Variants in ZNF804B observed in about 807,000 individuals in gnomAD.
The protein encoded by ZNF804B is zinc finger 804B.
In ZNF804B, 80 loss-of-function variants were observed where a neutral mutation model predicts 101.4. That is an observed-to-expected ratio of 0.79 (90% CI 0.66 to 0.95). ZNF804B has a LOEUF of 0.95. ZNF804B is among the 40% of genes least tolerant of loss of function. The pLI is 0.00. For missense variants in ZNF804B, 1,673 were observed against 1,561.9 expected (o/e 1.07, Z -1.20); for synonymous variants, 622 against 558.8 (o/e 1.11, Z -1.59).
chr7:89,141,312 G>T lies in ZNF804B; in HGVS notation c.109-76843G>T, dbSNP rs188593805. Among the ~76,000 whole-genome samples the T allele has an allele frequency of 8.5e-5, 13 of 152,154 alleles. No individual in the cohort carries two copies. In the East Asian group the frequency reaches 1.2e-3, roughly 14 times the overall value. ...GAGCGCATGCTTTTGGAGTAATTGG[G>T]CTAATACCCTTGGTCAACACAGGAT... On this transcript the variant is annotated intron_variant, in intron 1 of 3. Transcript: ENST00000333190.
intron 2 of ZNF804B, among the ~76,000 whole-genome samples, chr7:89,315,528 A>T (rs901965196): frequency 1.3e-5 from 2 of 152,192 alleles, no homozygotes; most frequent in Admixed American, 1.3e-4. Context: ...AAGAGAAGAT[A>T]ATAATTAAAT....
At chr7:89,016,238 C>T (rs936050753) in intron 1 of ZNF804B, among the ~76,000 whole-genome samples, 5 of 152,136 alleles carry the variant, frequency 3.3e-5, no homozygotes, top group East Asian at 1.9e-4. Context: ...TGGATATTAG[C>T]GCTTTGTCAG....
intron 1 of ZNF804B, among the ~76,000 whole-genome samples, chr7:88,898,307 C>T (rs913846713): frequency 2.0e-5 from 3 of 151,924 alleles, no homozygotes; most frequent in Admixed American, 6.6e-5. Context: ...AGGATGGTCT[C>T]GATCTCCTGA....
chr7:89,090,103 T>C (rs1789860700), intron 1 of ZNF804B, among the ~76,000 whole-genome samples: 1 of 152,080 alleles, frequency 6.6e-6, no homozygotes, highest in Non-Finnish European at 1.5e-5. Context: ...CTAATTGCAA[T>C]TGGGCTTTCT....
At chr7:89,196,557 A>G (rs531968743) in intron 1 of ZNF804B, among the ~76,000 whole-genome samples, 1 of 152,256 alleles carries the variant, frequency 6.6e-6, no homozygotes, top group East Asian at 1.9e-4. Flanking sequence ...CATCTGACAT[A>G]GGCAGAGGCA....
intron 1 of ZNF804B, among the ~76,000 whole-genome samples, chr7:89,179,252 A>G (rs1448338970): frequency 6.6e-6 from 1 of 151,638 alleles, no homozygotes; most frequent in African/African-American, 2.4e-5. Context: ...TAAACTTTCT[A>G]CTCCAATCTC....
intron 1 of ZNF804B, among the ~76,000 whole-genome samples, chr7:89,177,570 G>A (rs1199475743): frequency 6.6e-6 from 1 of 152,168 alleles, no homozygotes; most frequent in Non-Finnish European, 1.5e-5. Flanking sequence ...TGAGGACAAT[G>A]TGTATTCTGC....
intron 1 of ZNF804B, among the ~76,000 whole-genome samples, chr7:89,197,621 T>G (rs1201456942): frequency 6.6e-6 from 1 of 151,926 alleles, no homozygotes; most frequent in East Asian, 1.9e-4. Flanking sequence ...TTTTGAAATT[T>G]TAATTATGAG....
rs183681977 is a variant in ZNF804B, at chr7:88,762,306, G to A, written c.108+2222G>A. On this transcript the variant is annotated intron_variant, in intron 1 of 3. Transcript: ENST00000333190. ...TTGAATAGTTTCTCATGTGAGCTGG[G>A]CACTGTATGAAAATTTGTGTTTATT... Among the ~76,000 whole-genome samples, 389 of 152,176 alleles carry A rather than the reference G, an allele frequency of 2.6e-3. 5 individuals carry two copies. Among genetic ancestry groups the A allele is most frequent in the South Asian group, 0.011 (54 of 4,826 alleles).
intron 1 of ZNF804B, among the ~76,000 whole-genome samples, chr7:88,834,490 TGATAATG>T (rs957812895): frequency 2.4e-4 from 36 of 151,748 alleles, no homozygotes; most frequent in African/African-American, 8.2e-4. Context: ...AAAACGCACA[TGATAATG>T]GATAATGGAG....
At chr7:88,773,566 TA>T (rs1305348630) in intron 1 of ZNF804B, among the ~76,000 whole-genome samples, 1 of 152,190 alleles carries the variant, frequency 6.6e-6, no homozygotes, top group Non-Finnish European at 1.5e-5. Flanking sequence ...TACTGGGAAG[TA>T]ACACTACTTG....
intron 1 of ZNF804B, among the ~76,000 whole-genome samples, chr7:88,985,657 A>C (rs1242510991): frequency 6.6e-6 from 1 of 152,112 alleles, no homozygotes; most frequent in African/African-American, 2.4e-5. Flanking sequence ...ACAAACATTT[A>C]AGCTGTAAAA....
chr7:89,096,902 C>T (rs1789979330), intron 1 of ZNF804B, among the ~76,000 whole-genome samples: 1 of 152,094 alleles, frequency 6.6e-6, no homozygotes, highest in African/African-American at 2.4e-5. Context: ...AGCTGTAAAC[C>T]TTCTCTGTAG....
At chr7:88,917,148 C>A (rs1170513243) in intron 1 of ZNF804B, among the ~76,000 whole-genome samples, 1 of 151,812 alleles carries the variant, frequency 6.6e-6, no homozygotes, top group East Asian at 1.9e-4. Context: ...GTGTGTAATC[C>A]CAGCTACTTG....
At chr7:89,062,249 C>G (rs929919612) in intron 1 of ZNF804B, among the ~76,000 whole-genome samples, 24 of 152,098 alleles carry the variant, frequency 1.6e-4, no homozygotes, top group Non-Finnish European at 3.4e-4. Context: ...ATTTGAACTT[C>G]GTGACATGGA....
intron 1 of ZNF804B, among the ~76,000 whole-genome samples, chr7:88,769,032 C>T (rs1475194161): frequency 6.6e-6 from 1 of 152,154 alleles, no homozygotes; most frequent in African/African-American, 2.4e-5. Flanking sequence ...TAAACATTAA[C>T]AGTGATTATT....
chr7:88,995,588 G>T (rs1348021908), intron 1 of ZNF804B, among the ~76,000 whole-genome samples: 3 of 151,866 alleles, frequency 2.0e-5, no homozygotes, highest in Non-Finnish European at 2.9e-5. Context: ...TGGACTGAAG[G>T]TGTCAATTCC....
At chr7:89,113,277 T>C (rs2158147) in intron 1 of ZNF804B, among the ~76,000 whole-genome samples, 14,368 of 152,248 alleles carry the variant, frequency 0.094, 744 homozygotes, top group Middle Eastern at 0.14. Flanking sequence ...ATCTGTGTGA[T>C]GGGATCATCG....
chr7:88,970,344 G>GCCCCCCCCCCCCCCCC (rs3034350), intron 1 of ZNF804B, among the ~76,000 whole-genome samples: 1 of 144,062 alleles, frequency 6.9e-6, no homozygotes, highest in South Asian at 2.2e-4. Flanking sequence ...TTATTCTGAT[G>GCCCCCCCCCCCCCCCC]CCCCCCCCCC....
Sources: allele counts gnomAD v4.1 joint callset (sites outside exome capture counted in the v4.1 genomes callset), GRCh38; gene constraint gnomAD v4.1.1; transcripts MANE v1.5; gene names NCBI Gene and HGNC (gene_info 2026-07-23, HGNC 2026-07-21).